The following NEDD4 variants were observed in gnomAD, a reference collection of about 807,000 sequenced individuals.
The protein encoded by NEDD4 is NEDD4 E3 ubiquitin protein ligase, also known as E3 ubiquitin-protein ligase NEDD4.
A neutral mutation model predicts 144.9 loss-of-function variants in NEDD4; 99 were observed. The ratio of observed to expected loss-of-function variants is 0.68; its 90% CI spans 0.58 to 0.81. The LOEUF (loss-of-function observed/expected upper bound fraction) is 0.81, where lower values mean the gene tolerates loss of function less well. NEDD4 is among the 30% of genes least tolerant of loss of function. The probability of loss-of-function intolerance (pLI) is 0.00; values close to 1 mark genes in which losing one functional copy is unlikely to be tolerated. For missense variants in NEDD4, 985 were observed against 1,065.9 expected (o/e 0.92, Z 1.06); for synonymous variants, 318 against 350.6 (o/e 0.91, Z 1.04).
At chr15:55,892,309 TAAATAAATAAATAATA>T (rs1412815216) in intron 5 of NEDD4, among the ~76,000 whole-genome samples, 4 of 77,462 alleles carry the variant, frequency 5.2e-5, no homozygotes, top group East Asian at 7.5e-4. Flanking sequence ...AATAAATAAA[TAAATAAATAAATAATA>T]AATATGAATT....
In NEDD4 at chr15:55,908,602, C is replaced by G. The variant is rs559784050; in HGVS notation, c.291+16044G>C. ...GTTATAAATACAGAAATCTCAGGCC[C>G]CCATTCTGAGACCTACTGAACCAGA... On this transcript the variant is annotated intron_variant, in intron 5 of 28. Transcript: ENST00000435532. 1.3e-4 allele frequency among the ~76,000 whole-genome samples: 20 copies of G among 152,266 alleles called. No individual in the cohort carries two copies. The East Asian group carries it at 3.9e-3, about 29-fold the overall frequency.
chr15:55,837,678 T>C (rs2033275433), intron 24 of NEDD4, 111 bp downstream of exon 24: 3 of 607,412 alleles, frequency 4.9e-6, no homozygotes, highest in African/African-American at 1.9e-5. Context: ...TAGAATGATT[T>C]CACAAAACAA....
At chr15:55,942,464 G>A (rs781714784) in intron 4 of NEDD4, among the ~76,000 whole-genome samples, 34 of 152,184 alleles carry the variant, frequency 2.2e-4, no homozygotes, top group African/African-American at 7.5e-4. Context: ...TCTGGTGATA[G>A]TAAGCGACTT....
chr15:55,969,522 A>C (rs1457449446), intron 1 of NEDD4, among the ~76,000 whole-genome samples: 1 of 152,150 alleles, frequency 6.6e-6, no homozygotes, highest in Admixed American at 6.6e-5. Flanking sequence ...TAGCTCCAGG[A>C]GGAGAGGTAA....
chr15:55,908,002 T>A (rs1366042037), intron 5 of NEDD4, among the ~76,000 whole-genome samples: 3 of 152,164 alleles, frequency 2.0e-5, no homozygotes, highest in Non-Finnish European at 4.4e-5. Flanking sequence ...AAGGTATTCA[T>A]TTAAGAGTGC....
rs1310923449 is a variant in NEDD4, at chr15:55,907,098, TA to T, written c.291+17547del. Among the ~76,000 whole-genome samples, 6 of 142,264 alleles carry T rather than the reference TA, an allele frequency of 4.2e-5. No individual in the cohort carries two copies. The East Asian group carries it at 6.2e-4, about 15-fold the overall frequency. The allele number at this position is 142,264 out of a possible 152,430, so 93.3% of individuals were successfully genotyped here. A position where few individuals can be genotyped will look rare whatever the true frequency, so the allele number is the denominator to read the frequency against. ...CGACAGAGCCAGACTGTCTCAAAAA[TA>T]AAAAAAAATAAAAATAAAAAATAAA... is the stretch of plus-strand genomic sequence containing the variant. On this transcript the variant is annotated intron_variant, in intron 5 of 28. Coordinates refer to ENST00000435532, the MANE Select transcript of NEDD4 (RefSeq NM_006154.4).
intron 2 of NEDD4, among the ~76,000 whole-genome samples, chr15:55,953,800 A>G (rs568346391): frequency 6.6e-6 from 1 of 152,198 alleles, no homozygotes; most frequent in East Asian, 1.9e-4. Context: ...GGCTCACTGC[A>G]ACCTCCTCCT....
intron 5 of NEDD4, among the ~76,000 whole-genome samples, chr15:55,884,029 G>A (rs1465712256): frequency 6.6e-6 from 1 of 152,018 alleles, no homozygotes; most frequent in Non-Finnish European, 1.5e-5. Context: ...ACAGGCACCT[G>A]CCACCATGTC....
chr15:55,830,372 G>T, intron 28 of NEDD4, 142 bp downstream of exon 28: 2 of 750,670 alleles, frequency 2.7e-6, no homozygotes, highest in Non-Finnish European at 4.5e-6. Context: ...CCTGTTCGTT[G>T]GGTGTCACCA....
rs1309373679 is a variant in NEDD4, at chr15:55,873,566, GT to G, written c.342+391del. Among the ~76,000 whole-genome samples the G allele has an allele frequency of 3.3e-5, 5 of 152,180 alleles. No individual in the cohort carries two copies. In the East Asian group the frequency reaches 9.6e-4, roughly 29 times the overall value. Reference sequence around the variant, plus strand: ...CTATTTTGCAATGTTTCCTGAATCTGTTTTTCTCCTTGCTATATTCTTAGTC... The same window carrying G: ...CTATTTTGCAATGTTTCCTGAATCTGTTTTCTCCTTGCTATATTCTTAGTC... On this transcript the variant is annotated intron_variant, in intron 6 of 28. Transcript: ENST00000435532.
intron 5 of NEDD4, among the ~76,000 whole-genome samples, chr15:55,878,891 C>A (rs1446385263): frequency 6.6e-6 from 1 of 152,244 alleles, no homozygotes; most frequent in East Asian, 1.9e-4. Flanking sequence ...GGCGCGATCT[C>A]GACTCACTGC....
At chr15:55,903,923 G>A (rs1342389703) in intron 5 of NEDD4, among the ~76,000 whole-genome samples, 1 of 151,626 alleles carries the variant, frequency 6.6e-6, no homozygotes, top group African/African-American at 2.4e-5. Context: ...ACTTTGTGAG[G>A]GCGAGGTGGG....
At chr15:55,950,259 CAT>C (rs1421313147) in intron 4 of NEDD4, among the ~76,000 whole-genome samples, 3 of 152,136 alleles carry the variant, frequency 2.0e-5, no homozygotes, top group African/African-American at 7.2e-5. Flanking sequence ...TGTCATACTA[CAT>C]AGAGTGGGGA....
chr15:55,928,167 G>A (rs766325357), intron 4 of NEDD4, among the ~76,000 whole-genome samples: 11 of 152,168 alleles, frequency 7.2e-5, no homozygotes, highest in Middle Eastern at 3.4e-3. Flanking sequence ...GTGCCACCAG[G>A]CCTGGCTAAT....
chr15:55,979,382 T>C (rs1213263540), intron 1 of NEDD4, among the ~76,000 whole-genome samples: 2 of 139,694 alleles, frequency 1.4e-5, no homozygotes, highest in African/African-American at 5.3e-5. Context: ...AGTCTCGCTC[T>C]GTCGCCCAGG....
At chr15:55,893,734 T>A (rs1359836755) in intron 5 of NEDD4, among the ~76,000 whole-genome samples, 1 of 150,442 alleles carries the variant, frequency 6.6e-6, no homozygotes. Flanking sequence ...TTGCTGAATA[T>A]AATAAAAACT....
intron 4 of NEDD4, among the ~76,000 whole-genome samples, chr15:55,942,555 C>A (rs1231484872): frequency 1.3e-5 from 2 of 152,136 alleles, no homozygotes; most frequent in Non-Finnish European, 2.9e-5. Flanking sequence ...GTTAGATGAG[C>A]CTGCTTCCCC....
intron 1 of NEDD4, among the ~76,000 whole-genome samples, chr15:55,978,594 G>A (rs1400042316): frequency 1.3e-5 from 2 of 152,086 alleles, no homozygotes; most frequent in South Asian, 2.1e-4. Context: ...AAATAAAAAA[G>A]TAACAAAAGT....
chr15:55,861,700 A>T (rs1407529161), intron 9 of NEDD4, among the ~76,000 whole-genome samples: 1 of 152,170 alleles, frequency 6.6e-6, no homozygotes, highest in Non-Finnish European at 1.5e-5. Flanking sequence ...AATTAAAAAA[A>T]ATCAGATTGA....
Sources: gnomAD v4.1 joint callset for allele counts (sites outside exome capture counted in the v4.1 genomes callset) on GRCh38, gnomAD v4.1.1 for gene constraint, MANE v1.5 for transcripts, NCBI Gene and HGNC (gene_info 2026-07-23, HGNC 2026-07-21) for gene names.